EXOC4: variants seen among roughly 807,000 people sequenced by gnomAD.
EXOC4 encodes exocyst complex component 4.
A neutral mutation model predicts 107.2 loss-of-function variants in EXOC4; 71 were observed. The observed-to-expected ratio is 0.66, with a 90% CI of 0.55 to 0.81. The LOEUF is 0.81. Among genes scored for constraint, EXOC4 ranks in the 30% least tolerant of loss-of-function variants. EXOC4 has a pLI of 0.00. For missense variants in EXOC4, 1,108 were observed against 1,189.6 expected (o/e 0.93, Z 1.01); for synonymous variants, 456 against 441.2 (o/e 1.03, Z -0.42).
chr7:133,832,622 C>T (rs368074541), intron 11 of EXOC4, among the ~76,000 whole-genome samples: 213 of 152,276 alleles, frequency 1.4e-3, no homozygotes, highest in African/African-American at 4.5e-3. Flanking sequence ...TGGCTTTTCA[C>T]GACTTGATAA....
At chr7:133,562,962 CTG>C (rs1800837849) in intron 9 of EXOC4, among the ~76,000 whole-genome samples, 1 of 152,098 alleles carries the variant, frequency 6.6e-6, no homozygotes, top group South Asian at 2.1e-4. Context: ...GCTGGGATGA[CTG>C]TGGTGATGCA....
At position 133,900,032 on chromosome 7, in the gene EXOC4, C is replaced by G. The variant is rs556227787; in HGVS notation, c.1871+4297C>G. 5.9e-5 allele frequency among the ~76,000 whole-genome samples: 9 copies of G among 152,276 alleles called. No homozygotes were observed. In the South Asian group the frequency reaches 1.9e-3, roughly 32 times the overall value. ...GCCTCACCAAGTGCCCAGATGCACT[C>G]TGGGTGTTGAGCAGCACCATCACTT... On this transcript the variant is annotated intron_variant, in intron 12 of 17. Transcript: ENST00000253861.
chr7:133,334,719 C>T (rs1452158587), intron 5 of EXOC4, among the ~76,000 whole-genome samples: 1 of 152,028 alleles, frequency 6.6e-6, no homozygotes, highest in Non-Finnish European at 1.5e-5. Context: ...ACCCTCCACC[C>T]TCCACTCTCC....
At chr7:133,495,845 A>G (rs1457515173) in intron 9 of EXOC4, among the ~76,000 whole-genome samples, 2 of 152,224 alleles carry the variant, frequency 1.3e-5, no homozygotes, top group African/African-American at 2.4e-5. Flanking sequence ...TTGTTGGTTC[A>G]TAACATAGGC....
chr7:133,664,088 C>T (rs1793758062), intron 10 of EXOC4, among the ~76,000 whole-genome samples: 1 of 152,126 alleles, frequency 6.6e-6, no homozygotes, highest in African/African-American at 2.4e-5. Flanking sequence ...AAGAAACTTG[C>T]TCCCTTAATA....
chr7:133,749,155 C>T (rs1047439086), intron 10 of EXOC4, among the ~76,000 whole-genome samples: 1 of 152,172 alleles, frequency 6.6e-6, no homozygotes, highest in Non-Finnish European at 1.5e-5. Context: ...AAGGGAACTT[C>T]ATTACTTGGA....
intron 9 of EXOC4, among the ~76,000 whole-genome samples, chr7:133,482,493 C>T (rs781281229): frequency 2.0e-5 from 3 of 152,122 alleles, no homozygotes; most frequent in Non-Finnish European, 2.9e-5. Flanking sequence ...CTGCAGCAGC[C>T]GTGGGAAGGC....
chr7:133,446,905 C>A lies in EXOC4; in HGVS notation c.1183-28423C>A, dbSNP rs28526362. Among the ~76,000 whole-genome samples, 221 of 152,258 alleles carry A rather than the reference C, an allele frequency of 1.5e-3. 2 individuals are homozygous for A. Among genetic ancestry groups the A allele is most frequent in the African/African-American group, 4.9e-3 (205 of 41,552 alleles). The stretch of plus-strand genomic sequence containing the variant: ...TCTGGCACTGGGCATTAGCCTAGAG[C>A]TTAGCTTTAATCTACAATATGCATT... On this transcript the variant is annotated intron_variant, in intron 7 of 17. Coordinates refer to ENST00000253861, the MANE Select transcript of EXOC4 (RefSeq NM_021807.4).
At chr7:133,816,653 A>T (rs1372729476) in intron 10 of EXOC4, among the ~76,000 whole-genome samples, 1 of 152,226 alleles carries the variant, frequency 6.6e-6, no homozygotes, top group Non-Finnish European at 1.5e-5. Context: ...TTCATGGAAG[A>T]CAATGTTTCC....
At chr7:133,624,106 A>C (rs1241263145) in intron 9 of EXOC4, among the ~76,000 whole-genome samples, 1 of 152,148 alleles carries the variant, frequency 6.6e-6, no homozygotes, top group Non-Finnish European at 1.5e-5. Flanking sequence ...GCTATAAAAG[A>C]ATTCACCTTC....
At chr7:133,621,258 G>C (rs1338983358) in intron 9 of EXOC4, among the ~76,000 whole-genome samples, 1 of 152,048 alleles carries the variant, frequency 6.6e-6, no homozygotes, top group Non-Finnish European at 1.5e-5. Context: ...ATTGAGAAAG[G>C]TACTTTTTTT....
chr7:133,972,016 T>TG (rs1801252118), intron 14 of EXOC4, among the ~76,000 whole-genome samples: 1 of 66 alleles, frequency 0.015, no homozygotes, highest in Non-Finnish European at 0.033. Flanking sequence ...CTTCCCATTC[T>TG]CTTGACTTTC....
chr7:133,321,712 C>T (rs560669018), intron 5 of EXOC4, among the ~76,000 whole-genome samples: 11 of 152,046 alleles, frequency 7.2e-5, no homozygotes, highest in South Asian at 2.1e-4. Context: ...TATAGTAAAA[C>T]GATTTATAAT....
At chr7:133,670,860 A>G (rs902272798) in intron 10 of EXOC4, among the ~76,000 whole-genome samples, 2 of 152,212 alleles carry the variant, frequency 1.3e-5, no homozygotes, top group African/African-American at 4.8e-5. Flanking sequence ...TGGAGTGGAC[A>G]TTCTAATGGG....
intron 14 of EXOC4, among the ~76,000 whole-genome samples, chr7:133,942,346 T>C (rs1800450140): frequency 6.6e-6 from 1 of 152,086 alleles, no homozygotes; most frequent in Non-Finnish European, 1.5e-5. Flanking sequence ...AGAAATTAAA[T>C]AATTACTATT....
At chr7:133,556,109 C>T (rs1800685215) in intron 9 of EXOC4, among the ~76,000 whole-genome samples, 1 of 152,186 alleles carries the variant, frequency 6.6e-6, no homozygotes, top group East Asian at 1.9e-4. Flanking sequence ...TGACAGATCA[C>T]CTCTCCAGAG....
At position 134,065,136 on chromosome 7, in the gene EXOC4, C is replaced by A. The variant is rs3735048; in HGVS notation, c.*608C>A. The stretch of plus-strand genomic sequence containing the variant: ...AATAGAAGTCTTTTGATCCCAGTCC[C>A]TGGGACAGTTTTGTATGCTGTATCT... On this transcript the variant is annotated 3_prime_UTR_variant, in exon 18 of 18. Coordinates refer to ENST00000253861, the MANE Select transcript of EXOC4 (RefSeq NM_021807.4). 0.012 allele frequency: 1,771 copies of A among 152,448 alleles called. 18 individuals carry two copies. Among genetic ancestry groups the A allele is most frequent in the Non-Finnish European group, 0.019 (1,288 of 67,984 alleles). The allele number at this position is 152,448 out of a possible 1,614,324, so 9.4% of individuals were successfully genotyped here. A position where few individuals can be genotyped will look rare whatever the true frequency, so the allele number is the denominator to read the frequency against.
intron 10 of EXOC4, among the ~76,000 whole-genome samples, chr7:133,694,243 G>T (rs374073063): frequency 1.3e-3 from 175 of 131,712 alleles, no homozygotes; most frequent in African/African-American, 4.9e-3. Context: ...CCTGGCAACA[G>T]AGTGAGATTC....
intron 5 of EXOC4, among the ~76,000 whole-genome samples, chr7:133,341,745 G>T (rs183661423): frequency 6.6e-4 from 100 of 152,090 alleles, no homozygotes; most frequent in East Asian, 5.4e-3. Context: ...TAGGATTGTG[G>T]TATTTTCCTG....
Sources: allele counts gnomAD v4.1 joint callset (sites outside exome capture counted in the v4.1 genomes callset), GRCh38; gene constraint gnomAD v4.1.1; transcripts MANE v1.5; gene names NCBI Gene and HGNC (gene_info 2026-07-23, HGNC 2026-07-21).